Variants in PAK1 observed in about 807,000 individuals in gnomAD.
PAK1 encodes the protein serine/threonine-protein kinase PAK 1.
PAK1 carries 29 observed loss-of-function variants against 67.4 expected under a neutral mutation model. That is an observed-to-expected ratio of 0.43 (90% CI 0.32 to 0.59). PAK1 has a LOEUF of 0.59. Among genes scored for constraint, PAK1 ranks in the 20% least tolerant of loss-of-function variants. PAK1 has a pLI of 0.07. For synonymous variants in PAK1, 223 were observed against 237.4 expected (o/e 0.94, Z 0.56); for missense variants, 337 against 670.7 (o/e 0.50, Z 5.50).
chr11:77,347,613 C>T (rs1012842916), intron 9 of PAK1, among the ~76,000 whole-genome samples: 4 of 152,118 alleles, frequency 2.6e-5, no homozygotes, highest in African/African-American at 7.2e-5. Flanking sequence ...AAGGCAGATT[C>T]GTGTCAATAT....
At chr11:77,393,464 A>T (rs941169445) in intron 1 of PAK1, among the ~76,000 whole-genome samples, 2 of 151,814 alleles carry the variant, frequency 1.3e-5, no homozygotes, top group African/African-American at 2.4e-5. Context: ...CCATCTAATT[A>T]AAAAAAATTT....
the PAK1 span, among the ~76,000 whole-genome samples, chr11:77,497,760 C>T: frequency 2.0e-5 from 3 of 152,318 alleles, no homozygotes; most frequent in East Asian, 3.9e-4. Context: ...TTGCTGTGTC[C>T]TCTGATTCCT....
chr11:77,399,414 T>C (rs958488445), intron 1 of PAK1, among the ~76,000 whole-genome samples: 3 of 152,106 alleles, frequency 2.0e-5, no homozygotes, highest in Non-Finnish European at 4.4e-5. Context: ...AAAGAACAAA[T>C]AGGTCAGACT....
intron 5 of PAK1, among the ~76,000 whole-genome samples, chr11:77,368,832 T>C (rs1380349705): frequency 6.6e-6 from 1 of 152,084 alleles, no homozygotes; most frequent in Non-Finnish European, 1.5e-5. Context: ...AATTTTTTTG[T>C]ATTACAGGCG....
At chr11:77,331,045 C>T (rs946351425) in intron 14 of PAK1, among the ~76,000 whole-genome samples, 42 of 152,244 alleles carry the variant, frequency 2.8e-4, no homozygotes, top group Non-Finnish European at 1.5e-5. Flanking sequence ...TGCTCATCAT[C>T]ACTGGCCATC....
chr11:77,352,799 T>C (rs946988447), intron 8 of PAK1, among the ~76,000 whole-genome samples: 1 of 152,212 alleles, frequency 6.6e-6, no homozygotes, highest in Non-Finnish European at 1.5e-5. Context: ...TACAGGCTTG[T>C]AGCCTAGGAG....
chr11:77,379,848 C>T, intron 3 of PAK1, 46 bp downstream of exon 3: 1 of 1,275,496 alleles, frequency 7.8e-7, no homozygotes, highest in African/African-American at 1.5e-5. Flanking sequence ...CAGTGCACAG[C>T]CAGAACTCTA....
chr11:77,509,640 G>A, the PAK1 span, among the ~76,000 whole-genome samples: 1 of 152,210 alleles, frequency 6.6e-6, no homozygotes, highest in African/African-American at 2.4e-5. Flanking sequence ...GGTGGGAGGT[G>A]TTGGTTCATG....
chr11:77,378,303 G>A (rs114441491), intron 4 of PAK1, among the ~76,000 whole-genome samples: 4,068 of 152,214 alleles, frequency 0.027, 79 homozygotes, highest in African/African-American at 0.055. Flanking sequence ...AAAAGGTGAT[G>A]TTACAGGAAT....
chr11:77,502,053 T>A, the PAK1 span, among the ~76,000 whole-genome samples: 6 of 152,264 alleles, frequency 3.9e-5, no homozygotes, highest in African/African-American at 1.2e-4. Flanking sequence ...TTTCTCCTTA[T>A]GACATATATT....
chr11:77,326,319 G>A (rs910999429), intron 14 of PAK1, among the ~76,000 whole-genome samples: 1 of 152,166 alleles, frequency 6.6e-6, no homozygotes, highest in African/African-American at 2.4e-5. Flanking sequence ...AATAAGTAGA[G>A]TATCATTGCC....
intron 1 of PAK1, among the ~76,000 whole-genome samples, chr11:77,452,804 G>A (rs1256415670): frequency 6.6e-6 from 1 of 152,172 alleles, no homozygotes; most frequent in East Asian, 1.9e-4. Context: ...CCAAGTAGGA[G>A]TAAAGAGTGT....
chr11:77,459,984 C>A (rs1390622186), intron 1 of PAK1, among the ~76,000 whole-genome samples: 1 of 151,960 alleles, frequency 6.6e-6, no homozygotes, highest in African/African-American at 2.4e-5. Flanking sequence ...GCGTGAGCCA[C>A]CGCGCCCGGC....
At chr11:77,405,239 T>C (rs546280796) in intron 1 of PAK1, among the ~76,000 whole-genome samples, 1 of 152,310 alleles carries the variant, frequency 6.6e-6, no homozygotes, top group South Asian at 2.1e-4. Flanking sequence ...GGATCAGAGA[T>C]GTAACCAGAG....
At chr11:77,463,012 T>C (rs1197044114) in intron 1 of PAK1, among the ~76,000 whole-genome samples, 1 of 148,982 alleles carries the variant, frequency 6.7e-6, no homozygotes, top group Non-Finnish European at 1.5e-5. Context: ...GGGGGGCTTT[T>C]AGGAAAAAGG....
intron 14 of PAK1, among the ~76,000 whole-genome samples, chr11:77,328,242 C>T (rs1271364962): frequency 2.0e-5 from 3 of 152,150 alleles, no homozygotes; most frequent in Non-Finnish European, 4.4e-5. Flanking sequence ...AGAAAGTTAA[C>T]AAGGATACCC....
At position 77,379,336 on chromosome 11, in the gene PAK1, G is replaced by A. The variant is rs369339512; in HGVS notation, c.344C>T (p.Ser115Leu). ...RLLQTSNITKSEQKKNPQAVL... is the reference protein window; with the variant it reads ...RLLQTSNITKLEQKKNPQAVL... ...AGCCTGCGGGTTTTTCTTCTGCTCC[G>A]ACTTAGTGATATTTGATGTCTGAAG... Residue 115 changes from serine to leucine, a missense_variant, in exon 4 of 15, where the codon TCG (serine) becomes TTG (leucine). By Grantham distance (145) the Ser-to-Leu change is moderately radical. Transcript: ENST00000356341. 1.7e-5 allele frequency: 28 copies of A among 1,613,698 alleles called. No individual in the cohort carries two copies. Among genetic ancestry groups the A allele is most frequent in the Admixed American group, 5.0e-5 (3 of 59,972 alleles).
intron 9 of PAK1, among the ~76,000 whole-genome samples, chr11:77,347,565 T>C (rs931151910): frequency 6.6e-6 from 1 of 152,222 alleles, no homozygotes; most frequent in African/African-American, 2.4e-5. Context: ...AATGCCATGA[T>C]AATATTATCC....
At chr11:77,389,007 T>C (rs2602460) in intron 2 of PAK1, among the ~76,000 whole-genome samples, 16,534 of 152,132 alleles carry the variant, frequency 0.11, 2,174 homozygotes, top group African/African-American at 0.3. Flanking sequence ...TGGACAGGTA[T>C]CACCAAAATC....
Sources: allele counts gnomAD v4.1 joint callset (sites outside exome capture counted in the v4.1 genomes callset), GRCh38; gene constraint gnomAD v4.1.1; transcripts MANE v1.5; gene names NCBI Gene and HGNC (gene_info 2026-07-23, HGNC 2026-07-21).